Variants in VPS13C observed in about 807,000 individuals in gnomAD.
The protein encoded by VPS13C is vacuolar protein sorting 13 homolog C.
Under a neutral mutation model 456.8 loss-of-function variants are expected in VPS13C, and 358 were observed. The ratio of observed to expected loss-of-function variants is 0.78; its 90% CI spans 0.72 to 0.86. VPS13C has a LOEUF of 0.86. VPS13C is among the 40% of genes least tolerant of loss of function. The pLI is 0.00. For missense variants in VPS13C, 4,818 were observed against 4,385.4 expected, an observed-to-expected ratio of 1.10 and a Z score of -2.79; for synonymous variants, 1,578 against 1,486.7, an observed-to-expected ratio of 1.06 and a Z score of -1.41.
intron 14 of VPS13C, among the ~76,000 whole-genome samples, chr15:62,008,197 C>A (rs1337696183): frequency 6.6e-6 from 1 of 151,944 alleles, no homozygotes; most frequent in Admixed American, 6.6e-5. Context: ...CGTCACCGCA[C>A]CCCAGCCTGG....
intron 27 of VPS13C, among the ~76,000 whole-genome samples, chr15:61,971,751 G>A (rs559853625): frequency 6.6e-6 from 1 of 152,326 alleles, no homozygotes; most frequent in African/African-American, 2.4e-5. Context: ...GGGATTTAAT[G>A]ATATTTTGGA....
At chr15:61,881,719 A>T in intron 70 of VPS13C, 28 bp downstream of exon 70, 1 of 1,604,826 alleles carries the variant, frequency 6.2e-7, no homozygotes. Flanking sequence ...AATAAGGTAT[A>T]TCTATGTCAC....
chr15:61,923,660 T>A (rs900250462), intron 53 of VPS13C, among the ~76,000 whole-genome samples: 4 of 151,250 alleles, frequency 2.6e-5, no homozygotes, highest in Non-Finnish European at 5.9e-5. Context: ...ATTCCTTTAT[T>A]GTTCACTTCT....
chr15:62,008,805 T>C (rs774935851), intron 13 of VPS13C, 44 bp from the exon 14 acceptor site: 1 of 1,169,600 alleles, frequency 8.5e-7, no homozygotes, highest in East Asian at 2.7e-5. Context: ...ACTGTATATA[T>C]AAAAAAAAGA....
chr15:62,049,522 G>A (rs1186505385), intron 1 of VPS13C, among the ~76,000 whole-genome samples: 1 of 152,226 alleles, frequency 6.6e-6, no homozygotes, highest in Non-Finnish European at 1.5e-5. Flanking sequence ...AATATAGTTT[G>A]AAGTCAGGTA....
intron 61 of VPS13C, among the ~76,000 whole-genome samples, chr15:61,914,933 A>G (rs1187638453): frequency 3.3e-5 from 5 of 149,670 alleles, no homozygotes; most frequent in Admixed American, 6.7e-5. Context: ...CTAATAATGT[A>G]CACTGAAATT....
chr15:62,032,369 C>T (rs1213943364), intron 5 of VPS13C, among the ~76,000 whole-genome samples: 1 of 151,706 alleles, frequency 6.6e-6, no homozygotes, highest in Admixed American at 6.6e-5. Flanking sequence ...ACTTAAGCTT[C>T]AGCAGGAAGA....
At chr15:61,875,383 G>A (rs192754854) in intron 76 of VPS13C, among the ~76,000 whole-genome samples, 1 of 152,038 alleles carries the variant, frequency 6.6e-6, no homozygotes, top group Admixed American at 6.6e-5. Flanking sequence ...AAATGGAGGG[G>A]AATAGGTTAG....
intron 14 of VPS13C, 57 bp downstream of exon 14, chr15:62,008,598 G>A (rs760000861): frequency 3.2e-6 from 4 of 1,257,962 alleles, no homozygotes; most frequent in South Asian, 1.6e-5. Context: ...AACTCTGAGA[G>A]TAACTAAATA....
chr15:61,999,840 A>T (rs2046540424), intron 16 of VPS13C, among the ~76,000 whole-genome samples: 2 of 151,064 alleles, frequency 1.3e-5, no homozygotes, highest in Non-Finnish European at 3.0e-5. Flanking sequence ...GAAGGAAAGG[A>T]GAAAAGAAAG....
In VPS13C at chr15:61,861,397, A is replaced by G. The variant is rs558041046; in HGVS notation, c.10952+2043T>C. 5.4e-4 allele frequency among the ~76,000 whole-genome samples: 83 copies of G among 152,324 alleles called. 1 individual carries two copies. The highest frequency in any genetic ancestry group is 2.8e-3 in the Admixed American group (43 of 15,292). Reference sequence around the variant, plus strand: ...TGTCATTCTTGTACATACTGTTCATAGCTGTTTTCTTACTATAAGGGCAAA... The same window carrying G: ...TGTCATTCTTGTACATACTGTTCATGGCTGTTTTCTTACTATAAGGGCAAA... On this transcript the variant is annotated intron_variant, in intron 82 of 84. Transcript: ENST00000644861.
chr15:62,043,511 CAGA>C (rs1322752346), intron 2 of VPS13C, among the ~76,000 whole-genome samples: 1 of 152,114 alleles, frequency 6.6e-6, no homozygotes, highest in African/African-American at 2.4e-5. Flanking sequence ...GAGGCTGAGG[CAGA>C]AGAATTGCTT....
Position 61,971,038 on chromosome 15 carries a change from T to C in VPS13C, c.2758-1586A>G, listed in dbSNP as rs1053727907. Among the ~76,000 whole-genome samples the C allele has an allele frequency of 8.5e-5, 13 of 152,138 alleles. 1 individual carries two copies. Among genetic ancestry groups the C allele is most frequent in the South Asian group, 4.1e-4 (2 of 4,820 alleles). Reference sequence around the variant, plus strand: ...TTCCAGTACCTAAAATAATGTCTGGTAATAATGGCACATGATCAATACCTA... The same window carrying C: ...TTCCAGTACCTAAAATAATGTCTGGCAATAATGGCACATGATCAATACCTA... On this transcript the variant is annotated intron_variant, in intron 27 of 84. Coordinates refer to ENST00000644861, the MANE Select transcript of VPS13C (RefSeq NM_020821.3).
Position 61,961,894 on chromosome 15 carries a change from C to T in VPS13C, c.3604-1G>A, listed in dbSNP as rs2045220595. ...CTGTCTGGAAATTATTCAGGAAGTT[C>T]TGTGGACACAAAGCATAAAAAGAGA... On this transcript the variant is annotated splice_acceptor_variant, in intron 34 of 84. Coordinates refer to ENST00000644861, the MANE Select transcript of VPS13C (RefSeq NM_020821.3). LOFTEE classifies it high-confidence loss of function. 6.2e-7 allele frequency: 1 copy of T among 1,606,130 alleles called. No homozygotes were observed. The highest frequency in any genetic ancestry group is 8.5e-7 in the Non-Finnish European group (1 of 1,176,688).
At chr15:61,975,858 A>G (rs1429392527) in intron 24 of VPS13C, among the ~76,000 whole-genome samples, 1 of 152,066 alleles carries the variant, frequency 6.6e-6, no homozygotes, top group Admixed American at 6.6e-5. Flanking sequence ...AAACAAGTCC[A>G]AAAATATTTT....
intron 78 of VPS13C, 150 bp from the exon 79 acceptor site, chr15:61,872,184 T>C (rs1043939685): frequency 1.4e-5 from 8 of 570,392 alleles, no homozygotes; most frequent in African/African-American, 1.3e-4. Context: ...AACATACACA[T>C]ATAAGTTAGC....
chr15:61,957,240 A>G lies in VPS13C; in HGVS notation c.4165+1368T>C, dbSNP rs548698176. On this transcript the variant is annotated intron_variant, in intron 37 of 84. Transcript: ENST00000644861. ...TATGATTCCATGTACACGAAATTCAAGAAGAGGCAAAACTAATCTATCTAT... is the reference window on the plus strand; with the variant it reads ...TATGATTCCATGTACACGAAATTCAGGAAGAGGCAAAACTAATCTATCTAT... 1.9e-4 allele frequency among the ~76,000 whole-genome samples: 29 copies of G among 152,232 alleles called. 1 individual carries two copies. In the South Asian group the frequency reaches 5.2e-3, roughly 27 times the overall value.
chr15:62,005,138 A>T (rs1249516863), intron 15 of VPS13C, among the ~76,000 whole-genome samples: 3 of 152,162 alleles, frequency 2.0e-5, no homozygotes, highest in Admixed American at 2.0e-4. Context: ...GTCTCCCATC[A>T]TTAATGTGTG....
intron 16 of VPS13C, among the ~76,000 whole-genome samples, chr15:61,996,274 C>G (rs1327306195): frequency 6.6e-6 from 1 of 152,148 alleles, no homozygotes; most frequent in Non-Finnish European, 1.5e-5. Flanking sequence ...CAAACTCAAA[C>G]TTACATACCA....
Sources: allele counts gnomAD v4.1 joint callset (sites outside exome capture counted in the v4.1 genomes callset), GRCh38; gene constraint gnomAD v4.1.1; transcripts MANE v1.5; gene names NCBI Gene and HGNC (gene_info 2026-07-23, HGNC 2026-07-21).